Variants in TAX1BP1 observed in about 807,000 individuals in gnomAD.
TAX1BP1 encodes Tax1 binding protein 1, also known as tax1-binding protein 1.
TAX1BP1 carries 62 observed loss-of-function variants against 97.7 expected under a neutral mutation model. That is an observed-to-expected ratio of 0.63 (90% CI 0.52 to 0.78). The LOEUF (loss-of-function observed/expected upper bound fraction) is 0.78. Among genes scored for constraint, TAX1BP1 ranks in the 30% least tolerant of loss-of-function variants. TAX1BP1 has a pLI of 0.00. For synonymous variants in TAX1BP1, 340 were observed against 304.2 expected, an observed-to-expected ratio of 1.12 and a Z score of -1.23; for missense variants, 867 against 916.1, an observed-to-expected ratio of 0.95 and a Z score of 0.69.
intron 13 of TAX1BP1, chr7:27,803,228 A>G: frequency 7.0e-7 from 1 of 1,432,398 alleles, no homozygotes; most frequent in Non-Finnish European, 9.3e-7. Flanking sequence ...GAAACTGAAT[A>G]ATAATAGAGC....
intron 5 of TAX1BP1, among the ~76,000 whole-genome samples, chr7:27,775,080 G>A (rs1312520649): frequency 2.6e-5 from 4 of 152,128 alleles, no homozygotes; most frequent in Non-Finnish European, 5.9e-5. Context: ...AGTAGTTCCT[G>A]CAAAGATTTT....
chr7:27,802,339 TA>T (rs1186354627), intron 13 of TAX1BP1, among the ~76,000 whole-genome samples: 3 of 152,186 alleles, frequency 2.0e-5, no homozygotes, highest in African/African-American at 4.8e-5. Context: ...AATGAATTGA[TA>T]AAGACCACCT....
At position 27,792,016 on chromosome 7, in the gene TAX1BP1, G is replaced by T. The variant is rs1268539816; in HGVS notation, c.1049G>T (p.Cys350Phe). 3 of 1,613,892 alleles carry T rather than the reference G, an allele frequency of 1.9e-6. No homozygotes were observed. Among genetic ancestry groups the T allele is most frequent in the Non-Finnish European group, 2.5e-6 (3 of 1,179,912 alleles). The change falls in exon 9 of 17, where the codon TGT becomes TTT. Residue 350 changes from cysteine to phenylalanine, a missense_variant. Coordinates refer to ENST00000396319, the MANE Select transcript of TAX1BP1 (RefSeq NM_006024.7). ...LLTTSSKEDT[C>F]FLKEQLRKAE... ...ATCTGCTTTCTTCAGGAAGATACTTGTTTTTTAAAGGAGCAACTTCGTAAA... is the reference window on the plus strand; with the variant it reads ...ATCTGCTTTCTTCAGGAAGATACTTTTTTTTTAAAGGAGCAACTTCGTAAA...
At position 27,828,605 on chromosome 7, in the gene TAX1BP1, ATTC is replaced by A. The variant is rs1782562492; in HGVS notation, c.2169-20_2169-18del. Reference sequence around the variant, plus strand: ...GTTCTACATTTATTAGAAACATGTAATTCTTTCATTTTTCTCTTTAAGCTTTGA... The same window carrying A: ...GTTCTACATTTATTAGAAACATGTAATTTCATTTTTCTCTTTAAGCTTTGA... On this transcript the variant is annotated intron_variant, in intron 16 of 16. Coordinates refer to ENST00000396319, the MANE Select transcript of TAX1BP1 (RefSeq NM_006024.7). 1 of 1,606,170 alleles carries A rather than the reference ATTC, an allele frequency of 6.2e-7. No individual in the cohort carries two copies. Among genetic ancestry groups the A allele is most frequent in the African/African-American group, 1.3e-5 (1 of 74,644 alleles).
At chr7:27,758,555 A>G (rs2128309421) in intron 3 of TAX1BP1, among the ~76,000 whole-genome samples, 1 of 152,294 alleles carries the variant, frequency 6.6e-6, no homozygotes, top group African/African-American at 2.4e-5. Flanking sequence ...TTCCTTTATT[A>G]TAAAATGATA....
intron 2 of TAX1BP1, among the ~76,000 whole-genome samples, chr7:27,751,301 G>T (rs1193687239): frequency 6.6e-6 from 1 of 152,132 alleles, no homozygotes; most frequent in Non-Finnish European, 1.5e-5. Flanking sequence ...AATACAGGAA[G>T]GCTCAAGGAA....
At position 27,787,589 on chromosome 7, in the gene TAX1BP1, A is replaced by G. The variant is rs762004429; in HGVS notation, c.1024A>G (p.Thr342Ala). 3.1e-6 allele frequency: 5 copies of G among 1,608,678 alleles called. No individual in the cohort carries two copies. Among genetic ancestry groups the G allele is most frequent in the Non-Finnish European group, 8.5e-7 (1 of 1,178,066 alleles). ...KENLQRTFLLTTSSKEDTCFL... is the reference protein window; with the variant it reads ...KENLQRTFLLATSSKEDTCFL... ...AAATCTGCAAAGAACTTTCCTGCTT[A>G]CAACCTCAAGTAAAGTAAGTACTTT... The change falls in exon 8 of 17, where the codon ACA becomes GCA. Residue 342 changes from threonine to alanine, a missense_variant. By Grantham distance (58) the Thr-to-Ala change is moderately conservative (BLOSUM62 0). Transcript: ENST00000396319.
At chr7:27,744,386 A>C (rs1281666380) in intron 1 of TAX1BP1, among the ~76,000 whole-genome samples, 1 of 152,184 alleles carries the variant, frequency 6.6e-6, no homozygotes, top group Non-Finnish European at 1.5e-5. Context: ...CGGCCTCCCA[A>C]AGTGCTGGGA....
intron 3 of TAX1BP1, among the ~76,000 whole-genome samples, chr7:27,759,881 T>A (rs1788357716): frequency 6.7e-6 from 1 of 148,716 alleles, no homozygotes; most frequent in Non-Finnish European, 1.5e-5. Flanking sequence ...TGAGCCGGAG[T>A]CACACTGTGT....
At chr7:27,759,635 G>T (rs11763610) in intron 3 of TAX1BP1, among the ~76,000 whole-genome samples, 15,155 of 151,630 alleles carry the variant, frequency 0.1, 827 homozygotes, top group South Asian at 0.12. Flanking sequence ...TTCCCCTGGG[G>T]CTGGCTATTA....
At chr7:27,768,544 A>C (rs1788727827) in intron 4 of TAX1BP1, among the ~76,000 whole-genome samples, 1 of 151,940 alleles carries the variant, frequency 6.6e-6, no homozygotes, top group African/African-American at 2.4e-5. Context: ...CTTTATTTTT[A>C]AGTTGCCAGA....
Position 27,785,170 on chromosome 7 carries a change from C to T in TAX1BP1, c.620C>T (p.Thr207Ile). 6.2e-7 allele frequency: 1 copy of T among 1,607,080 alleles called. No individual in the cohort carries two copies. The highest frequency in any genetic ancestry group is 2.2e-5 in the East Asian group (1 of 44,680). Residue 207 changes from threonine (T) to isoleucine (I), a missense_variant, in exon 6 of 17, where the codon ACT becomes ATT. Physicochemically the swap from Thr to Ile is moderately conservative, Grantham distance 89. This residue lies in a region of TAX1BP1 where 822 missense variants were observed against 851.4 expected (regional missense o/e 0.97). Transcript: ENST00000396319. ...CTTGTTGTCACTTCTCAGGGTCTTA[C>T]TGAAGTAACACAAAGCTTAAAAATG... ...DQLQAEQKGL[T>I]EVTQSLKMEN...
chr7:27,743,859 G>A lies in TAX1BP1; in HGVS notation c.-8+3590G>A, dbSNP rs1028940747. 1.3e-3 allele frequency among the ~76,000 whole-genome samples: 6 copies of A among 4,712 alleles called. 3 individuals are homozygous for A. Among genetic ancestry groups the A allele is most frequent in the Non-Finnish European group, 1.7e-3 (6 of 3,576 alleles). 3.1% of individuals were successfully genotyped at this position (4,712 alleles called of 152,430 possible). On this transcript the variant is annotated intron_variant, in intron 1 of 16. Transcript: ENST00000396319. ...TGTCGCCCAGGTCGGACTGCGGACT[G>A]CAGTGGCGCAATCTCGGCTCACTGC...
In TAX1BP1 at chr7:27,807,437, T is replaced by C. The variant is rs563491860; in HGVS notation, c.1764+7347T>C. Among the ~76,000 whole-genome samples the C allele has an allele frequency of 5.9e-5, 9 of 152,304 alleles. No individual in the cohort carries two copies. The South Asian group carries it at 1.9e-3, about 32-fold the overall frequency. On this transcript the variant is annotated intron_variant, in intron 13 of 16. Transcript: ENST00000396319. Reference sequence around the variant, plus strand: ...TTAGTTTCCCTTTATCTGGAACAACTTTATAGCCTTTCTTAACCTTGACAT... The same window carrying C: ...TTAGTTTCCCTTTATCTGGAACAACCTTATAGCCTTTCTTAACCTTGACAT...
chr7:27,752,370 G>C (rs762031359), intron 2 of TAX1BP1, among the ~76,000 whole-genome samples: 1 of 152,174 alleles, frequency 6.6e-6, no homozygotes, highest in Admixed American at 6.5e-5. Flanking sequence ...ATAGGGAATC[G>C]GAGTGGCTTA....
intron 2 of TAX1BP1, among the ~76,000 whole-genome samples, chr7:27,753,888 TTAGA>T (rs1214933782): frequency 1.3e-5 from 2 of 152,210 alleles, no homozygotes; most frequent in Non-Finnish European, 2.9e-5. Context: ...AAGTGAAACC[TTAGA>T]TAAAGGATGA....
Position 27,787,586 on chromosome 7 carries a change from C to T in TAX1BP1, c.1021C>T (p.Leu341Phe). ...EKENLQRTFL[L>F]TTSSKEDTCF... ...GGAAAATCTGCAAAGAACTTTCCTGCTTACAACCTCAAGTAAAGTAAGTAC... is the reference window on the plus strand; with the variant it reads ...GGAAAATCTGCAAAGAACTTTCCTGTTTACAACCTCAAGTAAAGTAAGTAC... Residue 341 changes from leucine (L) to phenylalanine (F), a missense_variant, in exon 8 of 17, where the codon CTT becomes TTT. Leu to Phe is a conservative substitution (Grantham distance 22). Transcript: ENST00000396319. 2 of 1,608,262 alleles carry T rather than the reference C, an allele frequency of 1.2e-6. No homozygotes were observed. The highest frequency in any genetic ancestry group is 8.5e-7 in the Non-Finnish European group (1 of 1,177,798).
At chr7:27,781,967 C>T (rs532266150) in intron 5 of TAX1BP1, among the ~76,000 whole-genome samples, 180 of 152,126 alleles carry the variant, frequency 1.2e-3, no homozygotes, top group African/African-American at 4.1e-3. Flanking sequence ...CTGCCCGCCT[C>T]GGCCTCCCAA....
intron 10 of TAX1BP1, among the ~76,000 whole-genome samples, chr7:27,793,866 C>T (rs73684057): frequency 0.024 from 3,642 of 152,252 alleles, 73 homozygotes; most frequent in East Asian, 0.082. Context: ...GGTACTATAG[C>T]TCTCTTTTAC....
Sources: gnomAD v4.1 joint callset for allele counts (sites outside exome capture counted in the v4.1 genomes callset) on GRCh38, gnomAD v4.1.1 for gene constraint, gnomAD v4.1.1 regional missense constraint, MANE v1.5 for transcripts, NCBI Gene and HGNC (gene_info 2026-07-23, HGNC 2026-07-21) for gene names.